BICRA: variants seen among roughly 807,000 people sequenced by gnomAD.
BICRA encodes the protein BRD4 interacting chromatin remodeling complex associated protein.
In BICRA, 31 loss-of-function variants were observed where a neutral mutation model predicts 96.9. The ratio of observed to expected loss-of-function variants is 0.32; its 90% CI spans 0.24 to 0.43. BICRA has a LOEUF of 0.43. BICRA is among the 20% of genes least tolerant of loss of function. The pLI, the probability that BICRA is intolerant of heterozygous loss-of-function variation, is 1.00. For missense variants in BICRA, 2,283 were observed against 2,190.3 expected (o/e 1.04, Z -0.84); for synonymous variants, 1,350 against 1,071.8 (o/e 1.26, Z -5.07).
At chr19:47,667,211 G>C (rs1306364460) in intron 1 of BICRA, among the ~76,000 whole-genome samples, 1 of 152,008 alleles carries the variant, frequency 6.6e-6, no homozygotes, top group Non-Finnish European at 1.5e-5. Flanking sequence ...GTAGAGACGG[G>C]GTTTCACCAT....
intron 1 of BICRA, among the ~76,000 whole-genome samples, chr19:47,646,026 A>G (rs1972454027): frequency 6.6e-6 from 1 of 152,186 alleles, no homozygotes; most frequent in African/African-American, 2.4e-5. Flanking sequence ...TGAGCCCAGG[A>G]AGTTGAGGCT....
intron 1 of BICRA, among the ~76,000 whole-genome samples, chr19:47,670,055 GAT>G (rs1972841157): frequency 6.6e-6 from 1 of 151,646 alleles, no homozygotes; most frequent in African/African-American, 2.4e-5. Context: ...GGGCTCAAGC[GAT>G]TCTCCTGCCT....
intron 1 of BICRA, among the ~76,000 whole-genome samples, chr19:47,655,377 T>A (rs991672564): frequency 7.0e-6 from 1 of 142,000 alleles, no homozygotes; most frequent in African/African-American, 2.6e-5. Context: ...AATACAAAAT[T>A]AGCCGGGCGT....
chr19:47,624,161 C>T (rs1161838632), intron 1 of BICRA, among the ~76,000 whole-genome samples: 2 of 152,056 alleles, frequency 1.3e-5, no homozygotes, highest in Non-Finnish European at 2.9e-5. Flanking sequence ...GATTGTGACT[C>T]CCTAGTGCCC....
Position 47,679,423 on chromosome 19 carries a change from C to T in BICRA, c.253C>T (p.Pro85Ser). ...DFLEDDILGS[P>S]ATGGGGGGSG... ...CCTGGAAGATGACATCCTGGGCTCT[C>T]CTGCGACAGGGGGCGGCGGCGGGGG... Residue 85 changes from proline to serine, a missense_variant, in exon 6 of 15, where the codon CCT (proline) becomes TCT (serine). Coordinates refer to ENST00000594866, the MANE Select transcript of BICRA (RefSeq NM_001394372.1). 2 of 1,487,472 alleles carry T rather than the reference C, an allele frequency of 1.3e-6. No individual in the cohort carries two copies. The highest frequency in any genetic ancestry group is 9.0e-7 in the Non-Finnish European group (1 of 1,116,748). The allele number at this position is 1,487,472 out of a possible 1,614,324, so 92.1% of individuals were successfully genotyped here. A position where few individuals can be genotyped will look rare whatever the true frequency, so the allele number is the denominator to read the frequency against.
Position 47,646,595 on chromosome 19 carries a change from C to T in BICRA, c.-107-23848C>T, listed in dbSNP as rs567840164. On this transcript the variant is annotated intron_variant, in intron 1 of 14. Coordinates refer to ENST00000594866, the MANE Select transcript of BICRA (RefSeq NM_001394372.1). Reference sequence around the variant, plus strand: ...ACATCCTGGGAGCTCAGGTCACGCACTTCACCCGTATTAATTCGTTTAATC... The same window carrying T: ...ACATCCTGGGAGCTCAGGTCACGCATTTCACCCGTATTAATTCGTTTAATC... Among the ~76,000 whole-genome samples, 12 of 152,288 alleles carry T rather than the reference C, an allele frequency of 7.9e-5. No individual in the cohort carries two copies. In the South Asian group the frequency reaches 2.5e-3, roughly 32 times the overall value.
chr19:47,660,610 C>T (rs190891488), intron 1 of BICRA, among the ~76,000 whole-genome samples: 81 of 152,292 alleles, frequency 5.3e-4, no homozygotes, highest in African/African-American at 1.9e-3. Flanking sequence ...CCAAGGTTCA[C>T]GGGAATGACT....
rs201109991 is a variant in BICRA at position 47,624,525 on chromosome 19, AT to A, written c.-108+15359del. Among the ~76,000 whole-genome samples the A allele has an allele frequency of 8.3e-3, 1,265 of 152,272 alleles. 12 individuals carry two copies. The highest frequency in any genetic ancestry group is 0.028 in the African/African-American group (1,180 of 41,538). ...ACATACCTTAATTAAAAATTGCTTTATTGCTAAAATATGCTGATACTGACAT... is the reference window on the plus strand; with the variant it reads ...ACATACCTTAATTAAAAATTGCTTTATGCTAAAATATGCTGATACTGACAT... On this transcript the variant is annotated intron_variant, in intron 1 of 14. Coordinates refer to ENST00000594866, the MANE Select transcript of BICRA (RefSeq NM_001394372.1).
chr19:47,701,774 C>T lies in BICRA; in HGVS notation c.4042C>T (p.Arg1348Trp). ...CCTCAAGGTGGCCGAGCCCCCGCCA[C>T]GGCCGCCACCACCACCGCCGCCCAC... ...ATLKVAEPPP[R>W]PPPPPPPTGQ... is the part of the protein sequence containing the mutation. Residue 1348 changes from arginine to tryptophan, a missense_variant, in exon 15 of 15, where the codon CGG (arginine) becomes TGG (tryptophan). Transcript: ENST00000594866. This position sits in a 1 kb window ranked among gnomAD's most constrained non-coding sequence, Gnocchi z 5.4. 1.3e-6 allele frequency: 2 copies of T among 1,540,258 alleles called. No individual in the cohort carries two copies. Among genetic ancestry groups the T allele is most frequent in the Non-Finnish European group, 1.7e-6 (2 of 1,143,142 alleles).
chr19:47,646,143 G>A lies in BICRA; in HGVS notation c.-107-24300G>A, dbSNP rs115432343. Among the ~76,000 whole-genome samples, 253 of 152,240 alleles carry A rather than the reference G, an allele frequency of 1.7e-3. 1 individual carries two copies. Among genetic ancestry groups the A allele is most frequent in the African/African-American group, 5.7e-3 (238 of 41,540 alleles). On this transcript the variant is annotated intron_variant, in intron 1 of 14. Transcript: ENST00000594866. Reference sequence around the variant, plus strand: ...AAGAAAAAAGAAAACTCAGGGCAGGGGGGCGTCAGCCAGGGAGGTGCATTT... The same window carrying A: ...AAGAAAAAAGAAAACTCAGGGCAGGAGGGCGTCAGCCAGGGAGGTGCATTT...
chr19:47,692,870 A>G (rs1973262249), intron 7 of BICRA, among the ~76,000 whole-genome samples: 1 of 152,218 alleles, frequency 6.6e-6, no homozygotes, highest in Non-Finnish European at 1.5e-5. Context: ...GTCCTCGGGC[A>G]GATATCCTGA....
chr19:47,698,918 G>C lies in BICRA; in HGVS notation c.3398-47G>C, dbSNP rs1282502777. The C allele has an allele frequency of 6.9e-7, 1 of 1,454,072 alleles. No individual in the cohort carries two copies. The highest frequency in any genetic ancestry group is 1.4e-5 in the African/African-American group (1 of 71,346). The allele number at this position is 1,454,072 out of a possible 1,614,324, so 90.1% of individuals were successfully genotyped here. ...CCCGCCCTCCTTCCTGCGCATCCGC[G>C]GCCGCCCCCAACATCTCCGCCCTTG... On this transcript the variant is annotated intron_variant, in intron 12 of 14. Transcript: ENST00000594866. This position sits in a 1 kb window ranked among gnomAD's most constrained non-coding sequence, Gnocchi z 4.8.
At chr19:47,635,148 A>G (rs1450079416) in intron 1 of BICRA, among the ~76,000 whole-genome samples, 2 of 152,196 alleles carry the variant, frequency 1.3e-5, no homozygotes, top group Non-Finnish European at 2.9e-5. Context: ...ATTGTGGTAC[A>G]ATATACATAA....
At chr19:47,655,909 A>C (rs1434811152) in intron 1 of BICRA, among the ~76,000 whole-genome samples, 4 of 151,714 alleles carry the variant, frequency 2.6e-5, no homozygotes, top group African/African-American at 9.7e-5. Context: ...TTTAGTGCTG[A>C]AGTGCCGTCT....
chr19:47,649,533 C>T (rs1348719953), intron 1 of BICRA, among the ~76,000 whole-genome samples: 6 of 152,126 alleles, frequency 3.9e-5, no homozygotes, highest in African/African-American at 1.2e-4. Flanking sequence ...TGCTCAGTGT[C>T]AATGTATTGA....
intron 7 of BICRA, among the ~76,000 whole-genome samples, chr19:47,693,733 G>C (rs1406799419): frequency 1.3e-5 from 2 of 152,122 alleles, no homozygotes; most frequent in African/African-American, 4.8e-5. Context: ...CTGGGCAGCG[G>C]GTGTGGTGCC....
At chr19:47,613,402 C>T (rs1971938506) in intron 1 of BICRA, among the ~76,000 whole-genome samples, 1 of 152,158 alleles carries the variant, frequency 6.6e-6, no homozygotes, top group Admixed American at 6.5e-5. Flanking sequence ...TTCCAGGCCG[C>T]CTGGGCTTGG....
At chr19:47,668,769 G>T (rs1233670833) in intron 1 of BICRA, among the ~76,000 whole-genome samples, 1 of 152,092 alleles carries the variant, frequency 6.6e-6, no homozygotes, top group African/African-American at 2.4e-5. Context: ...CAGGATACAG[G>T]CATGAGCCAC....
chr19:47,655,545 A>G (rs1244432937), intron 1 of BICRA, among the ~76,000 whole-genome samples: 3 of 148,178 alleles, frequency 2.0e-5, no homozygotes, highest in African/African-American at 7.5e-5. Context: ...AAAAAAAAAA[A>G]AAATTAGTAA....
Sources: allele counts gnomAD v4.1 joint callset (sites outside exome capture counted in the v4.1 genomes callset), GRCh38; gene constraint gnomAD v4.1.1; non-coding constraint Gnocchi (gnomAD v3.1); transcripts MANE v1.5; gene names NCBI Gene and HGNC (gene_info 2026-07-23, HGNC 2026-07-21).